The following GPC5 variants were observed in gnomAD, a reference collection of about 807,000 sequenced individuals.
GPC5 encodes the protein glypican-5.
Under a neutral mutation model 53.9 loss-of-function variants are expected in GPC5, and 47 were observed. The observed-to-expected ratio is 0.87, with a 90% CI of 0.69 to 1.11. The LOEUF (loss-of-function observed/expected upper bound fraction) is 1.11. GPC5 is among the 50% of genes most tolerant of loss of function. The probability of loss-of-function intolerance (pLI) is 0.00; values close to 1 mark genes in which losing one functional copy is unlikely to be tolerated. For missense variants in GPC5, 748 were observed against 713.1 expected (o/e 1.05, Z -0.56); for synonymous variants, 286 against 263.3 (o/e 1.09, Z -0.84).
intron 6 of GPC5, among the ~76,000 whole-genome samples, chr13:92,020,343 G>A (rs1034089278): frequency 2.6e-5 from 4 of 152,088 alleles, no homozygotes; most frequent in Non-Finnish European, 1.5e-5. Flanking sequence ...GACATCTCTA[G>A]GAACCATTAT....
intron 2 of GPC5, among the ~76,000 whole-genome samples, chr13:91,632,851 G>A (rs757735970): frequency 1.3e-4 from 20 of 152,126 alleles, no homozygotes; most frequent in Admixed American, 1.3e-3. Context: ...AAGATTATCT[G>A]CATCTTCTGC....
chr13:92,377,043 C>G lies in GPC5; in HGVS notation c.1561+232054C>G, dbSNP rs115794823. Among the ~76,000 whole-genome samples the G allele has an allele frequency of 8.6e-3, 1,302 of 152,134 alleles. 26 individuals carry two copies. The highest frequency in any genetic ancestry group is 0.029 in the African/African-American group (1,222 of 41,500). Reference sequence around the variant, plus strand: ...TAAAAAAAAAAAAGAAAAGAAACTTCCCTGACTGAAGTAAGACAGTCATGT... The same window carrying G: ...TAAAAAAAAAAAAGAAAAGAAACTTGCCTGACTGAAGTAAGACAGTCATGT... On this transcript the variant is annotated intron_variant, in intron 7 of 7. Coordinates refer to ENST00000377067, the MANE Select transcript of GPC5 (RefSeq NM_004466.6).
chr13:92,087,485 C>A (rs79973566), intron 6 of GPC5, among the ~76,000 whole-genome samples: 5,613 of 152,148 alleles, frequency 0.037, 144 homozygotes, highest in Middle Eastern at 0.054. Context: ...AAAAAAATAC[C>A]AAATTTTGCC....
chr13:92,140,257 G>A (rs2041820259), intron 6 of GPC5, among the ~76,000 whole-genome samples: 1 of 152,186 alleles, frequency 6.6e-6, no homozygotes, highest in South Asian at 2.1e-4. Context: ...ACAGATTGAT[G>A]GTTCTGCAGT....
chr13:91,836,551 GTA>G (rs2038724868), intron 5 of GPC5, among the ~76,000 whole-genome samples: 1 of 152,010 alleles, frequency 6.6e-6, no homozygotes. Context: ...TGATAAAAGT[GTA>G]TTGATAAAAT....
At chr13:91,640,170 G>T (rs558287801) in intron 2 of GPC5, among the ~76,000 whole-genome samples, 160 of 152,178 alleles carry the variant, frequency 1.1e-3, no homozygotes, top group African/African-American at 3.6e-3. Flanking sequence ...ATTCCGCATA[G>T]CAAAAGAAAC....
intron 7 of GPC5, among the ~76,000 whole-genome samples, chr13:92,727,315 A>G (rs560808450): frequency 3.4e-4 from 52 of 151,632 alleles, no homozygotes; most frequent in African/African-American, 1.2e-3. Context: ...TAATTCAAAC[A>G]TTTTCACTAT....
At chr13:92,616,148 TAAG>T in intron 7 of GPC5, among the ~76,000 whole-genome samples, 1 of 152,092 alleles carries the variant, frequency 6.6e-6, no homozygotes, top group Non-Finnish European at 1.5e-5. Context: ...CTGATAAAAA[TAAG>T]GATTTATATT....
intron 7 of GPC5, among the ~76,000 whole-genome samples, chr13:92,422,519 CACACACACACACAA>C (rs1330386330): frequency 1.1e-4 from 13 of 117,216 alleles, no homozygotes; most frequent in East Asian, 8.7e-4. Flanking sequence ...CACACACACA[CACACACACACACAA>C]CTTCTTGGAA....
At chr13:92,346,029 A>G (rs918705488) in intron 7 of GPC5, among the ~76,000 whole-genome samples, 1 of 152,090 alleles carries the variant, frequency 6.6e-6, no homozygotes, top group East Asian at 1.9e-4. Flanking sequence ...TAATCTCCAT[A>G]CTTTGCCTCA....
chr13:91,466,094 A>G (rs1029908133), intron 2 of GPC5, among the ~76,000 whole-genome samples: 2 of 152,188 alleles, frequency 1.3e-5, no homozygotes, highest in African/African-American at 4.8e-5. Context: ...CCACGAGCCA[A>G]GGCCATGGTG....
intron 7 of GPC5, among the ~76,000 whole-genome samples, chr13:92,363,871 T>C (rs1383833111): frequency 6.6e-6 from 1 of 151,436 alleles, no homozygotes; most frequent in Non-Finnish European, 1.5e-5. Context: ...AGATAGATGA[T>C]AGTTGGATAT....
intron 5 of GPC5, among the ~76,000 whole-genome samples, chr13:91,757,940 T>C (rs1339652757): frequency 6.6e-6 from 1 of 152,166 alleles, no homozygotes; most frequent in Admixed American, 6.5e-5. Flanking sequence ...ACTTATATAT[T>C]TCTGAGTGAT....
intron 6 of GPC5, among the ~76,000 whole-genome samples, chr13:92,051,422 G>A (rs1422552108): frequency 6.6e-6 from 1 of 151,356 alleles, no homozygotes; most frequent in African/African-American, 2.4e-5. Flanking sequence ...GGATGGTCTC[G>A]ATCTCTTGAC....
At chr13:92,718,955 A>T (rs1007196434) in intron 7 of GPC5, among the ~76,000 whole-genome samples, 1 of 152,068 alleles carries the variant, frequency 6.6e-6, no homozygotes, top group Non-Finnish European at 1.5e-5. Context: ...AACACAAAGG[A>T]AGGATAAATG....
intron 7 of GPC5, among the ~76,000 whole-genome samples, chr13:92,489,512 G>T (rs1242752799): frequency 6.6e-6 from 1 of 152,102 alleles, no homozygotes; most frequent in East Asian, 1.9e-4. Flanking sequence ...TGTTATTTTA[G>T]TTGAGGGATA....
intron 7 of GPC5, among the ~76,000 whole-genome samples, chr13:92,661,817 T>C (rs1253929365): frequency 6.6e-6 from 1 of 152,210 alleles, no homozygotes; most frequent in Non-Finnish European, 1.5e-5. Flanking sequence ...TAGAGTAAGA[T>C]AAGAATACAG....
At chr13:91,536,255 A>G (rs1026231886) in intron 2 of GPC5, among the ~76,000 whole-genome samples, 3 of 152,184 alleles carry the variant, frequency 2.0e-5, no homozygotes, top group African/African-American at 7.2e-5. Flanking sequence ...TTGGAAATGA[A>G]CCAGTGGTTT....
intron 7 of GPC5, among the ~76,000 whole-genome samples, chr13:92,641,328 G>A (rs1885588395): frequency 6.6e-6 from 1 of 151,864 alleles, no homozygotes; most frequent in Non-Finnish European, 1.5e-5. Context: ...CTAATCATGA[G>A]AACACATCAA....
Sources: allele counts gnomAD v4.1 joint callset (sites outside exome capture counted in the v4.1 genomes callset), GRCh38; gene constraint gnomAD v4.1.1; transcripts MANE v1.5; gene names NCBI Gene and HGNC (gene_info 2026-07-23, HGNC 2026-07-21).